Variants in SGCZ observed in about 807,000 individuals in gnomAD.
SGCZ encodes the protein zeta-sarcoglycan.
SGCZ carries 40 observed loss-of-function variants against 41.3 expected under a neutral mutation model. That is an observed-to-expected ratio of 0.97 (90% confidence interval 0.75 to 1.26). The LOEUF is 1.26. SGCZ is among the 50% of genes most tolerant of loss of function. SGCZ has a pLI of 0.00. For missense variants in SGCZ, 552 were observed against 369.8 expected (o/e 1.49, Z -4.04); for synonymous variants, 206 against 137.5 (o/e 1.50, Z -3.49).
intron 1 of SGCZ, among the ~76,000 whole-genome samples, chr8:14,996,869 A>T (rs567503492): frequency 6.6e-6 from 1 of 152,242 alleles, no homozygotes. Flanking sequence ...AGAGGCACTG[A>T]AACTTCTGCC....
intron 1 of SGCZ, among the ~76,000 whole-genome samples, chr8:14,788,909 G>T (rs1405005084): frequency 6.6e-6 from 1 of 152,034 alleles, no homozygotes; most frequent in Non-Finnish European, 1.5e-5. Context: ...CCAGGAGTTT[G>T]ACACCAGCCT....
chr8:14,990,030 C>T (rs1801955382), intron 1 of SGCZ, among the ~76,000 whole-genome samples: 1 of 152,168 alleles, frequency 6.6e-6, no homozygotes, highest in Admixed American at 6.5e-5. Flanking sequence ...ATTGTAAGCA[C>T]TTTCCTTTGT....
chr8:15,119,048 T>C (rs980106285), intron 1 of SGCZ, among the ~76,000 whole-genome samples: 2 of 152,210 alleles, frequency 1.3e-5, no homozygotes, highest in Non-Finnish European at 2.9e-5. Context: ...CACTATGCAA[T>C]AAATTACAAT....
chr8:14,231,091 T>G (rs1420498935), intron 4 of SGCZ, among the ~76,000 whole-genome samples: 2 of 151,788 alleles, frequency 1.3e-5, no homozygotes, highest in African/African-American at 4.8e-5. Flanking sequence ...CTGGGAAATC[T>G]TTTTTCTAAA....
At chr8:15,138,957 G>T (rs1232911561) in intron 1 of SGCZ, among the ~76,000 whole-genome samples, 1 of 152,074 alleles carries the variant, frequency 6.6e-6, no homozygotes, top group African/African-American at 2.4e-5. Context: ...AAATAATTTT[G>T]TATCAGCTCT....
chr8:15,200,004 T>C (rs1403947242), intron 1 of SGCZ, among the ~76,000 whole-genome samples: 2 of 152,206 alleles, frequency 1.3e-5, no homozygotes, highest in South Asian at 2.1e-4. Flanking sequence ...ATATTTGTTG[T>C]GGTCTATACT....
intron 3 of SGCZ, among the ~76,000 whole-genome samples, chr8:14,276,263 A>G (rs903480368): frequency 1.3e-5 from 2 of 152,162 alleles, no homozygotes; most frequent in African/African-American, 4.8e-5. Context: ...TATTTACTTG[A>G]GCCTCAACTG....
chr8:14,151,498 A>G (rs1363142857), intron 5 of SGCZ, among the ~76,000 whole-genome samples: 1 of 152,144 alleles, frequency 6.6e-6, no homozygotes, highest in African/African-American at 2.4e-5. Flanking sequence ...TCAATATAGT[A>G]AAAATGACAA....
chr8:15,131,597 C>A (rs1225524426), intron 1 of SGCZ, among the ~76,000 whole-genome samples: 2 of 152,094 alleles, frequency 1.3e-5, no homozygotes. Context: ...TATTCTGGGT[C>A]TTTTTTATAT....
chr8:14,956,990 C>T (rs1304010940), intron 1 of SGCZ, among the ~76,000 whole-genome samples: 2 of 152,012 alleles, frequency 1.3e-5, no homozygotes, highest in Non-Finnish European at 2.9e-5. Flanking sequence ...CTCACACATA[C>T]ACACACACAA....
At chr8:14,545,535 G>C (rs1369117179) in intron 2 of SGCZ, among the ~76,000 whole-genome samples, 1 of 151,430 alleles carries the variant, frequency 6.6e-6, no homozygotes, top group Non-Finnish European at 1.5e-5. Context: ...TATTATTTAA[G>C]ATATACTATA....
chr8:14,589,764 A>G (rs1585104991), intron 1 of SGCZ, among the ~76,000 whole-genome samples: 1 of 152,182 alleles, frequency 6.6e-6, no homozygotes, highest in South Asian at 2.1e-4. Flanking sequence ...AAACTATTCT[A>G]CTAGGGAGAT....
intron 2 of SGCZ, among the ~76,000 whole-genome samples, chr8:14,532,230 T>C (rs954480336): frequency 4.1e-5 from 6 of 145,248 alleles, no homozygotes; most frequent in Admixed American, 2.1e-4. Flanking sequence ...GAAATTAATT[T>C]GAGCCCCAGA....
chr8:14,933,948 G>A lies in SGCZ; in HGVS notation c.39+303637C>T, dbSNP rs536989173. The stretch of plus-strand genomic sequence containing the variant: ...AGAAGAAAATGTTCTTAATCTTTAC[G>A]GTGGGTGGAGAAGAAGAAAAATTCC... On this transcript the variant is annotated intron_variant, in intron 1 of 7. Transcript: ENST00000382080. Among the ~76,000 whole-genome samples the A allele has an allele frequency of 1.9e-4, 29 of 151,954 alleles. 1 individual carries two copies. Among genetic ancestry groups the A allele is most frequent in the African/African-American group, 6.5e-4 (27 of 41,314 alleles).
intron 1 of SGCZ, among the ~76,000 whole-genome samples, chr8:14,575,640 T>G (rs917715906): frequency 2.0e-5 from 3 of 151,938 alleles, no homozygotes; most frequent in African/African-American, 7.3e-5. Flanking sequence ...GGCACAGTGG[T>G]GTACGCCTGT....
At chr8:14,803,534 G>A (rs981270044) in intron 1 of SGCZ, among the ~76,000 whole-genome samples, 2 of 152,086 alleles carry the variant, frequency 1.3e-5, no homozygotes, top group South Asian at 4.1e-4. Flanking sequence ...CTTAAAAAAC[G>A]GCGCACCACG....
intron 1 of SGCZ, among the ~76,000 whole-genome samples, chr8:14,662,014 A>G (rs1360861377): frequency 6.6e-6 from 1 of 152,148 alleles, no homozygotes; most frequent in Non-Finnish European, 1.5e-5. Flanking sequence ...ATACCAAAAG[A>G]TTTGCTAAAA....
chr8:14,673,658 A>G (rs1489707045), intron 1 of SGCZ, among the ~76,000 whole-genome samples: 1 of 152,150 alleles, frequency 6.6e-6, no homozygotes, highest in African/African-American at 2.4e-5. Flanking sequence ...ACAATGGTAA[A>G]TATATAGAGG....
chr8:14,808,951 A>G (rs1801647194), intron 1 of SGCZ, among the ~76,000 whole-genome samples: 2 of 151,532 alleles, frequency 1.3e-5, no homozygotes, highest in Admixed American at 1.3e-4. Flanking sequence ...GAAATTGGAA[A>G]TCATCATTCT....
Sources: allele counts gnomAD v4.1 joint callset (sites outside exome capture counted in the v4.1 genomes callset), GRCh38; gene constraint gnomAD v4.1.1; transcripts MANE v1.5; gene names NCBI Gene and HGNC (gene_info 2026-07-23, HGNC 2026-07-21).